CSMD1: variants seen among roughly 807,000 people sequenced by gnomAD.
CSMD1 encodes CUB and sushi domain-containing protein 1.
Under a neutral mutation model 417.5 loss-of-function variants are expected in CSMD1, and 213 were observed. That is an observed-to-expected ratio of 0.51 (90% confidence interval 0.46 to 0.57). The LOEUF (loss-of-function observed/expected upper bound fraction) is 0.57. Ranked by LOEUF, CSMD1 falls within the 20% of genes least tolerant of loss-of-function variation. The pLI is 0.00. For missense variants in CSMD1, 6,923 were observed against 4,529.7 expected (o/e 1.53, Z -15.17); for synonymous variants, 2,862 against 1,736.8 (o/e 1.65, Z -16.11).
At position 2,950,397 on chromosome 8, in the gene CSMD1, C is replaced by A. The variant is rs910211884; in HGVS notation, c.10202-54G>T. On this transcript the variant is annotated intron_variant, in intron 66 of 69. Transcript: ENST00000635120. ...CCTTGGAGAAAGTTAGTAATTCAGCCCTTTAATCCATTTGATGTGGAATGT... is the reference window on the plus strand; with the variant it reads ...CCTTGGAGAAAGTTAGTAATTCAGCACTTTAATCCATTTGATGTGGAATGT... 1.2e-5 allele frequency: 13 copies of A among 1,051,820 alleles called. 1 individual carries two copies. In the Admixed American group the frequency reaches 2.2e-4, roughly 18 times the overall value. 65.2% of individuals were successfully genotyped at this position (1,051,820 alleles called of 1,614,324 possible).
At chr8:4,694,052 G>T (rs963975406) in intron 1 of CSMD1, among the ~76,000 whole-genome samples, 19 of 152,110 alleles carry the variant, frequency 1.2e-4, no homozygotes. Flanking sequence ...AACTGCTTAG[G>T]GCAAACCTGC....
chr8:3,993,326 G>A lies in CSMD1; in HGVS notation c.818+4577C>T, dbSNP rs560705843. Reference sequence around the variant, plus strand: ...GTGAGAGAAGGATTGATTTCAGGGAGTCTGTTACTCAGCATGTTCCTCTAT... The same window carrying A: ...GTGAGAGAAGGATTGATTTCAGGGAATCTGTTACTCAGCATGTTCCTCTAT... On this transcript the variant is annotated intron_variant, in intron 5 of 69. Coordinates refer to ENST00000635120, the MANE Select transcript of CSMD1 (RefSeq NM_033225.6). Among the ~76,000 whole-genome samples the A allele has an allele frequency of 7.2e-5, 11 of 152,292 alleles. No homozygotes were observed. In the East Asian group the frequency reaches 9.6e-4, roughly 13 times the overall value.
intron 1 of CSMD1, among the ~76,000 whole-genome samples, chr8:4,836,804 G>A (rs534718965): frequency 6.6e-6 from 1 of 151,892 alleles, no homozygotes; most frequent in Admixed American, 6.6e-5. Flanking sequence ...ATGTAATCGG[G>A]CCCTGTGTTA....
chr8:4,122,143 C>A (rs980278874), intron 3 of CSMD1, among the ~76,000 whole-genome samples: 1 of 151,932 alleles, frequency 6.6e-6, no homozygotes, highest in Non-Finnish European at 1.5e-5. Flanking sequence ...TACATAATGT[C>A]GCTAAGTTAT....
At position 4,369,529 on chromosome 8, in the gene CSMD1, G is replaced by A. The variant is rs144751036; in HGVS notation, c.415+50424C>T. On this transcript the variant is annotated intron_variant, in intron 3 of 69. Transcript: ENST00000635120. ...CTGCCACAATGATTTGTCTAACACC[G>A]TCAGTGCAGTATTGAAGTCTCCCAG... Among the ~76,000 whole-genome samples, 126 of 152,240 alleles carry A rather than the reference G, an allele frequency of 8.3e-4. 1 individual carries two copies. The East Asian group carries it at 8.7e-3, about 11-fold the overall frequency.
At chr8:3,950,589 T>C (rs1811535392) in intron 5 of CSMD1, among the ~76,000 whole-genome samples, 1 of 152,222 alleles carries the variant, frequency 6.6e-6, no homozygotes, top group Admixed American at 6.5e-5. Context: ...TTGCGTGAAA[T>C]ATGAAACCAC....
intron 15 of CSMD1, 83 bp downstream of exon 15, chr8:3,405,944 A>T: frequency 1.5e-6 from 2 of 1,348,100 alleles, no homozygotes; most frequent in African/African-American, 2.9e-5. Context: ...TAGCAAGCTA[A>T]CACAGTTTGT....
chr8:4,693,377 G>C (rs570743894), intron 1 of CSMD1, among the ~76,000 whole-genome samples: 1 of 152,342 alleles, frequency 6.6e-6, no homozygotes, highest in African/African-American at 2.4e-5. Flanking sequence ...GGAGAAAACA[G>C]CTGGATGGTA....
At chr8:4,163,377 A>G (rs1168674981) in intron 3 of CSMD1, among the ~76,000 whole-genome samples, 2 of 152,196 alleles carry the variant, frequency 1.3e-5, no homozygotes, top group Admixed American at 6.5e-5. Flanking sequence ...ATTTTACTCC[A>G]TATCCAAGAC....
intron 1 of CSMD1, among the ~76,000 whole-genome samples, chr8:4,646,330 G>A (rs544895381): frequency 1.3e-5 from 2 of 152,236 alleles, no homozygotes; most frequent in South Asian, 2.1e-4. Flanking sequence ...GGGTCAGTAG[G>A]ATTGAGTTGT....
intron 38 of CSMD1, among the ~76,000 whole-genome samples, chr8:3,160,759 A>G (rs1429583898): frequency 6.6e-6 from 1 of 152,252 alleles, no homozygotes; most frequent in East Asian, 1.9e-4. Context: ...ATTTTCTCTA[A>G]GCTGAAAGCA....
chr8:4,697,646 G>A (rs1207946853), intron 1 of CSMD1, among the ~76,000 whole-genome samples: 3 of 152,098 alleles, frequency 2.0e-5, no homozygotes, highest in African/African-American at 7.2e-5. Context: ...AGCAGGGACT[G>A]ATATTAGTTG....
chr8:4,543,671 G>GAAAAAAA (rs35739254), intron 2 of CSMD1, among the ~76,000 whole-genome samples: 1 of 57,334 alleles, frequency 1.7e-5, no homozygotes, highest in Non-Finnish European at 3.1e-5. Context: ...GTTTAATTTT[G>GAAAAAAA]AAAAAAAAAA....
At chr8:3,896,268 G>C (rs901902058) in intron 5 of CSMD1, among the ~76,000 whole-genome samples, 2 of 152,152 alleles carry the variant, frequency 1.3e-5, no homozygotes, top group African/African-American at 4.8e-5. Flanking sequence ...TCCAGAACTT[G>C]TATCTGTCTA....
intron 5 of CSMD1, among the ~76,000 whole-genome samples, chr8:3,905,810 A>G (rs1204347003): frequency 6.6e-6 from 1 of 152,214 alleles, no homozygotes; most frequent in Non-Finnish European, 1.5e-5. Context: ...TGTAGTTAAC[A>G]AAGTCCAAAC....
At chr8:3,879,863 A>T (rs1268208863) in intron 5 of CSMD1, among the ~76,000 whole-genome samples, 1 of 151,762 alleles carries the variant, frequency 6.6e-6, no homozygotes, top group African/African-American at 2.4e-5. Context: ...GTTGCGTTTT[A>T]GTCTTCTTCT....
chr8:4,059,920 G>A (rs1260399917), intron 3 of CSMD1, among the ~76,000 whole-genome samples: 1 of 151,624 alleles, frequency 6.6e-6, no homozygotes, highest in Non-Finnish European at 1.5e-5. Context: ...AGAAAAAGAG[G>A]GAATCCTCCC....
intron 1 of CSMD1, among the ~76,000 whole-genome samples, chr8:4,770,593 A>C (rs1053439441): frequency 6.6e-6 from 1 of 152,000 alleles, no homozygotes; most frequent in Admixed American, 6.6e-5. Flanking sequence ...ATCAAAACCT[A>C]TGGCATTGGC....
At chr8:3,889,998 A>G (rs1045873917) in intron 5 of CSMD1, among the ~76,000 whole-genome samples, 1 of 152,146 alleles carries the variant, frequency 6.6e-6, no homozygotes, top group Admixed American at 6.6e-5. Flanking sequence ...CCCTGGGAAT[A>G]TAGGGAGATC....
Sources: gnomAD v4.1 joint callset for allele counts (sites outside exome capture counted in the v4.1 genomes callset) on GRCh38, gnomAD v4.1.1 for gene constraint, MANE v1.5 for transcripts, NCBI Gene and HGNC (gene_info 2026-07-23, HGNC 2026-07-21) for gene names.